Variants in KCNIP4 observed in about 807,000 individuals in gnomAD.
KCNIP4 encodes the protein potassium voltage-gated channel interacting protein 4.
Under a neutral mutation model 34.0 loss-of-function variants are expected in KCNIP4, and 12 were observed. The ratio of observed to expected loss-of-function variants is 0.35; its 90% confidence interval spans 0.23 to 0.57. The LOEUF (loss-of-function observed/expected upper bound fraction) is 0.57, where lower values mean the gene tolerates loss of function less well. Among genes scored for constraint, KCNIP4 ranks in the 20% least tolerant of loss-of-function variants. The pLI, the probability that KCNIP4 is intolerant of heterozygous loss-of-function variation, is 0.83. For missense variants in KCNIP4, 238 were observed against 311.7 expected (o/e 0.76, Z 1.78); for synonymous variants, 124 against 102.2 (o/e 1.21, Z -1.29).
intron 1 of KCNIP4, among the ~76,000 whole-genome samples, chr4:21,605,903 C>A (rs143616025): frequency 6.6e-6 from 1 of 152,100 alleles, no homozygotes; most frequent in Non-Finnish European, 1.5e-5. Context: ...TCTGAGTAGA[C>A]GCAAGTTGAG....
chr4:21,734,941 T>A (rs1715881949), intron 1 of KCNIP4, among the ~76,000 whole-genome samples: 1 of 152,116 alleles, frequency 6.6e-6, no homozygotes, highest in Non-Finnish European at 1.5e-5. Context: ...ACTTCGCTCC[T>A]ATAAATAAAG....
In KCNIP4 at chr4:21,192,955, A is replaced by ACTAC. The variant is rs1560797643; in HGVS notation, c.62-310247_62-310246insGTAG. Among the ~76,000 whole-genome samples the ACTAC allele has an allele frequency of 7.6e-3, 1,055 of 139,234 alleles. 5 individuals carry two copies. Among genetic ancestry groups the ACTAC allele is most frequent in the Middle Eastern group, 0.014 (4 of 276 alleles). 91.3% of individuals were successfully genotyped at this position (139,234 alleles called of 152,430 possible). ...ACTACTACTACTACTACTACTACTA[A>ACTAC]TAATAATAATAATTAGTTGGGTGTG... On this transcript the variant is annotated intron_variant, in intron 1 of 8. Transcript: ENST00000382152.
At chr4:21,021,996 C>A (rs1645264687) in intron 1 of KCNIP4, among the ~76,000 whole-genome samples, 1 of 151,972 alleles carries the variant, frequency 6.6e-6, no homozygotes, top group African/African-American at 2.4e-5. Flanking sequence ...TTTGATCAGA[C>A]TGGCAGCACA....
chr4:21,607,132 A>G (rs1333885625), intron 1 of KCNIP4, among the ~76,000 whole-genome samples: 1 of 152,100 alleles, frequency 6.6e-6, no homozygotes, highest in East Asian at 1.9e-4. Context: ...ACAGCTGTGA[A>G]AAACATGGTG....
intron 1 of KCNIP4, among the ~76,000 whole-genome samples, chr4:21,241,696 G>A (rs1397361423): frequency 6.6e-6 from 1 of 152,128 alleles, no homozygotes; most frequent in Non-Finnish European, 1.5e-5. Flanking sequence ...GATGAAATGG[G>A]CATTATTTTT....
chr4:21,679,728 T>A (rs1330141922), intron 1 of KCNIP4, among the ~76,000 whole-genome samples: 2 of 152,246 alleles, frequency 1.3e-5, no homozygotes, highest in Non-Finnish European at 2.9e-5. Flanking sequence ...AAAGTGAATA[T>A]CACATTAAAG....
At chr4:21,900,607 TG>T (rs1231012501) in intron 1 of KCNIP4, among the ~76,000 whole-genome samples, 1 of 152,226 alleles carries the variant, frequency 6.6e-6, no homozygotes, top group Non-Finnish European at 1.5e-5. Flanking sequence ...TTACTAAATA[TG>T]TCATTTTTCA....
chr4:20,843,162 C>A (rs1230258411), intron 3 of KCNIP4, among the ~76,000 whole-genome samples: 1 of 152,116 alleles, frequency 6.6e-6, no homozygotes, highest in Non-Finnish European at 1.5e-5. Context: ...GCCGCCTAGG[C>A]TTCCCAAAGT....
chr4:21,126,623 A>AG (rs1195466989), intron 1 of KCNIP4, among the ~76,000 whole-genome samples: 2 of 137,756 alleles, frequency 1.5e-5, no homozygotes, highest in Admixed American at 7.5e-5. Context: ...ATAGCAAAAA[A>AG]AAAAAAAAAG....
intron 1 of KCNIP4, among the ~76,000 whole-genome samples, chr4:21,002,614 C>T (rs534381959): frequency 6.6e-6 from 1 of 152,244 alleles, no homozygotes; most frequent in Admixed American, 6.5e-5. Flanking sequence ...ATCAGCAATA[C>T]GTGGGAGAGT....
chr4:20,828,830 G>C (rs1718080034), intron 3 of KCNIP4, among the ~76,000 whole-genome samples: 2 of 152,176 alleles, frequency 1.3e-5, no homozygotes, highest in Non-Finnish European at 2.9e-5. Context: ...TGGATGCAAG[G>C]ACTAAAGAAT....
In KCNIP4 at chr4:21,510,999, G is replaced by A. The variant is rs942479689; in HGVS notation, c.61+437572C>T. Reference sequence around the variant, plus strand: ...GCAGAGGTTGTAGCGAGCTGAGATTGTTCCACTGCACTCCAGCCTGGGCGA... The same window carrying A: ...GCAGAGGTTGTAGCGAGCTGAGATTATTCCACTGCACTCCAGCCTGGGCGA... On this transcript the variant is annotated intron_variant, in intron 1 of 8. Coordinates refer to ENST00000382152, the MANE Select transcript of KCNIP4 (RefSeq NM_025221.6). 3.9e-5 allele frequency among the ~76,000 whole-genome samples: 6 copies of A among 152,190 alleles called. No individual in the cohort carries two copies. The East Asian group carries it at 1.2e-3, about 29-fold the overall frequency.
chr4:21,395,407 T>C (rs552628246), intron 1 of KCNIP4, among the ~76,000 whole-genome samples: 1 of 152,320 alleles, frequency 6.6e-6, no homozygotes, highest in Admixed American at 6.5e-5. Flanking sequence ...AAACCATCTG[T>C]TCTTCCTATA....
intron 1 of KCNIP4, among the ~76,000 whole-genome samples, chr4:21,375,225 C>G (rs1413398905): frequency 7.6e-6 from 1 of 130,952 alleles, no homozygotes; most frequent in Non-Finnish European, 1.5e-5. Context: ...TCTGTCCAAC[C>G]CTGAGTCTTG....
At chr4:21,141,433 T>A (rs1751944227) in intron 1 of KCNIP4, among the ~76,000 whole-genome samples, 1 of 152,238 alleles carries the variant, frequency 6.6e-6, no homozygotes, top group African/African-American at 2.4e-5. Context: ...TCAATAATTA[T>A]TTCTTTTGAA....
chr4:20,945,474 G>C (rs1000386517), intron 1 of KCNIP4, among the ~76,000 whole-genome samples: 1 of 152,102 alleles, frequency 6.6e-6, no homozygotes, highest in Non-Finnish European at 1.5e-5. Flanking sequence ...TTCCTTGTTG[G>C]TATACAATGT....
At chr4:21,326,466 C>CT (rs34166585) in intron 1 of KCNIP4, among the ~76,000 whole-genome samples, 7 of 149,484 alleles carry the variant, frequency 4.7e-5, no homozygotes, top group South Asian at 4.2e-4. Flanking sequence ...TTTTTCGTAC[C>CT]TTTTTTTTTC....
intron 1 of KCNIP4, among the ~76,000 whole-genome samples, chr4:21,719,746 G>A (rs1345453154): frequency 6.6e-6 from 1 of 151,988 alleles, no homozygotes; most frequent in African/African-American, 2.4e-5. Flanking sequence ...TGAATCACCT[G>A]AGGTCAAGAG....
chr4:21,942,278 G>A (rs376888042), intron 1 of KCNIP4, among the ~76,000 whole-genome samples: 2 of 152,320 alleles, frequency 1.3e-5, no homozygotes, highest in East Asian at 3.9e-4. Context: ...ATGTGGTGGT[G>A]TAGGCATTCA....
Sources: gnomAD v4.1 joint callset for allele counts (sites outside exome capture counted in the v4.1 genomes callset) on GRCh38, gnomAD v4.1.1 for gene constraint, MANE v1.5 for transcripts, NCBI Gene and HGNC (gene_info 2026-07-23, HGNC 2026-07-21) for gene names.